The following RBPJ variants were observed in gnomAD, a reference collection of about 807,000 sequenced individuals.
The protein encoded by RBPJ is recombination signal binding protein for immunoglobulin kappa J region.
RBPJ carries 9 observed loss-of-function variants against 67.8 expected under a neutral mutation model. The ratio of observed to expected loss-of-function variants is 0.13; its 90% confidence interval spans 0.08 to 0.23. RBPJ has a LOEUF of 0.23. RBPJ is among the 10% of genes least tolerant of loss of function. RBPJ has a pLI of 1.00. For synonymous variants in RBPJ, 198 were observed against 203.3 expected (o/e 0.97, Z 0.22); for missense variants, 305 against 595.6 (o/e 0.51, Z 5.08).
At chr4:26,208,262 A>G (rs1399647233) in intron 1 of RBPJ, among the ~76,000 whole-genome samples, 1 of 152,234 alleles carries the variant, frequency 6.6e-6, no homozygotes, top group African/African-American at 2.4e-5. Context: ...TTTGAGGCAC[A>G]GAGTGGTTGA....
intron 1 of RBPJ, among the ~76,000 whole-genome samples, chr4:26,287,219 A>G (rs1721496223): frequency 1.3e-5 from 2 of 151,956 alleles, no homozygotes; most frequent in South Asian, 4.2e-4. Context: ...AAAATAAAGG[A>G]GTATTTTAGG....
intron 1 of RBPJ, among the ~76,000 whole-genome samples, chr4:26,236,885 TG>T (rs1719469745): frequency 6.6e-6 from 1 of 152,208 alleles, no homozygotes; most frequent in African/African-American, 2.4e-5. Context: ...GCTCAATGCC[TG>T]CCTATACTAA....
intron 7 of RBPJ, chr4:26,428,478 T>TA: frequency 2.7e-6 from 1 of 376,488 alleles, no homozygotes; most frequent in South Asian, 5.5e-5. Flanking sequence ...TGCCTGATTT[T>TA]TTTTTTTTAG....
chr4:26,137,843 A>G, the RBPJ span, among the ~76,000 whole-genome samples: 21 of 152,130 alleles, frequency 1.4e-4, no homozygotes, highest in Non-Finnish European at 2.5e-4. Context: ...AGTCTCAGGA[A>G]TGCATATTGA....
At position 26,420,638 on chromosome 4, in the gene RBPJ, A is replaced by C. The variant is rs753680211; in HGVS notation, c.409A>C (p.Ser137Arg). ...GTCTGTAAAGATGTTCTATGGCAACAGTGATGACATTGGTGTGTTCCTCAG... is the reference window on the plus strand; with the variant it reads ...GTCTGTAAAGATGTTCTATGGCAACCGTGATGACATTGGTGTGTTCCTCAG... ...MLSVKMFYGN[S>R]DDIGVFLSKR... is the part of the protein sequence containing the mutation. The change falls in exon 5 of 11, where the codon AGT (serine) becomes CGT (arginine). Residue 137 changes from serine to arginine, a missense_variant. Coordinates refer to ENST00000355476, the MANE Select transcript of RBPJ (RefSeq NM_015874.6). 1 of 1,614,058 alleles carries C rather than the reference A, an allele frequency of 6.2e-7. No individual in the cohort carries two copies. The highest frequency in any genetic ancestry group is 1.1e-5 in the South Asian group (1 of 91,068).
chr4:26,398,586 C>T (rs1054161965), intron 2 of RBPJ, among the ~76,000 whole-genome samples: 12 of 152,158 alleles, frequency 7.9e-5, no homozygotes, highest in African/African-American at 2.9e-4. Flanking sequence ...TCTCACCCCA[C>T]CCTGTCTTTC....
chr4:26,385,688 C>CT (rs1445269580), intron 1 of RBPJ, among the ~76,000 whole-genome samples: 12 of 152,158 alleles, frequency 7.9e-5, no homozygotes, highest in Admixed American at 7.9e-4. Context: ...TGCTTAATTA[C>CT]TTTGTGACAT....
chr4:26,127,686 C>T, the RBPJ span, among the ~76,000 whole-genome samples: 1 of 152,136 alleles, frequency 6.6e-6, no homozygotes, highest in Non-Finnish European at 1.5e-5. Context: ...AGGAAGGTTC[C>T]CCATAGACTT....
At chr4:26,314,523 T>A (rs1032468221) in intron 1 of RBPJ, among the ~76,000 whole-genome samples, 18 of 152,096 alleles carry the variant, frequency 1.2e-4, no homozygotes, top group African/African-American at 4.3e-4. Flanking sequence ...GGGGTGGATT[T>A]TCTTCTTGGT....
chr4:26,372,660 A>C (rs1323822931), intron 1 of RBPJ, among the ~76,000 whole-genome samples: 1 of 152,042 alleles, frequency 6.6e-6, no homozygotes. Context: ...TCCCTCCTAT[A>C]CTAGTGTTTC....
intron 1 of RBPJ, among the ~76,000 whole-genome samples, chr4:26,328,654 C>G (rs1334269712): frequency 2.0e-5 from 3 of 152,134 alleles, no homozygotes; most frequent in Non-Finnish European, 4.4e-5. Flanking sequence ...TAGAGACAGT[C>G]TCATTGCTCT....
rs1374784140 is a variant in RBPJ at position 26,265,309 on chromosome 4, A to G, written c.-166-97137A>G. ...TTTGGGAGGCTGAGGCCGGCCGATC[A>G]TTTGAGGTCAGGAGATCGAGACCAG... On this transcript the variant is annotated intron_variant, in intron 1 of 4. Transcript: ENST00000512351. 2.6e-5 allele frequency among the ~76,000 whole-genome samples: 4 copies of G among 151,998 alleles called. No individual in the cohort carries two copies. The East Asian group carries it at 7.7e-4, about 29-fold the overall frequency.
chr4:26,415,032 T>A (rs1350573150), intron 3 of RBPJ, among the ~76,000 whole-genome samples: 1 of 152,204 alleles, frequency 6.6e-6, no homozygotes, highest in Admixed American at 6.5e-5. Flanking sequence ...ATTACCACAT[T>A]AAGTTAAATG....
intron 1 of RBPJ, among the ~76,000 whole-genome samples, chr4:26,334,265 T>C (rs765185182): frequency 2.0e-5 from 3 of 151,994 alleles, no homozygotes; most frequent in Non-Finnish European, 4.4e-5. Context: ...GGTTTCGAAC[T>C]CCTGACCTCA....
intron 1 of RBPJ, among the ~76,000 whole-genome samples, chr4:26,301,196 T>C (rs1183943673): frequency 1.3e-5 from 2 of 152,198 alleles, no homozygotes; most frequent in Non-Finnish European, 2.9e-5. Flanking sequence ...TTAAGGAACA[T>C]ACCCAAGGAT....
Position 26,270,441 on chromosome 4 carries a change from A to G in RBPJ, c.-166-92005A>G, listed in dbSNP as rs143993331. On this transcript the variant is annotated intron_variant, in intron 1 of 4. Transcript: ENST00000512351. ...AGAAAGAAAGAAAGAAAGAAAGAAGAAAGAAAGAAAGAAAGAAAAGAAAAG... is the reference window on the plus strand; with the variant it reads ...AGAAAGAAAGAAAGAAAGAAAGAAGGAAGAAAGAAAGAAAGAAAAGAAAAG... Among the ~76,000 whole-genome samples the G allele has an allele frequency of 1.2e-3, 139 of 116,276 alleles. 2 individuals are homozygous for G. Among genetic ancestry groups the G allele is most frequent in the African/African-American group, 2.9e-3 (84 of 28,946 alleles). The allele number at this position is 116,276 out of a possible 152,430, so 76.3% of individuals were successfully genotyped here.
chr4:26,319,334 C>G (rs1484881507), upstream of RBPJ, among the ~76,000 whole-genome samples: 1 of 152,226 alleles, frequency 6.6e-6, no homozygotes, highest in Admixed American at 6.5e-5. Flanking sequence ...GCTCCCCACC[C>G]CTCGTCTTCC....
intron 1 of RBPJ, among the ~76,000 whole-genome samples, chr4:26,250,802 A>T (rs917876452): frequency 6.6e-6 from 1 of 152,120 alleles, no homozygotes; most frequent in Non-Finnish European, 1.5e-5. Flanking sequence ...ATTCTGATGT[A>T]TTGCTTTGGT....
intron 1 of RBPJ, among the ~76,000 whole-genome samples, chr4:26,325,293 G>C (rs1723506155): frequency 6.6e-6 from 1 of 152,138 alleles, no homozygotes; most frequent in Non-Finnish European, 1.5e-5. Context: ...TCTGCTTCTA[G>C]AGTCACCACC....
Sources: allele counts gnomAD v4.1 joint callset (sites outside exome capture counted in the v4.1 genomes callset), GRCh38; gene constraint gnomAD v4.1.1; transcripts MANE v1.5; gene names NCBI Gene and HGNC (gene_info 2026-07-23, HGNC 2026-07-21).